Variants in PCDH11X observed in about 807,000 individuals in gnomAD.
PCDH11X encodes the protein protocadherin 11 X-linked, also known as protocadherin-11 X-linked.
In PCDH11X, 18 loss-of-function variants were observed where a neutral mutation model predicts 53.3. The ratio of observed to expected loss-of-function variants is 0.34; its 90% CI spans 0.23 to 0.50. The LOEUF (loss-of-function observed/expected upper bound fraction) is 0.50. PCDH11X is among the 20% of genes least tolerant of loss of function. PCDH11X has a pLI of 0.98. For synonymous variants in PCDH11X, 279 were observed against 393.3 expected, an observed-to-expected ratio of 0.71 and a Z score of 3.44; for missense variants, 570 against 1,032.4, an observed-to-expected ratio of 0.55 and a Z score of 6.14.
At chrX:92,287,022 G>A (rs1366039824) in intron 8 of PCDH11X, among the ~76,000 whole-genome samples, 42 of 109,735 alleles carry the variant, frequency 3.8e-4, no homozygotes, top group East Asian at 5.7e-4. Flanking sequence ...ATATATTATC[G>A]TTATTATTAA....
intron 10 of PCDH11X, among the ~76,000 whole-genome samples, chrX:92,559,240 G>T (rs2148759969): frequency 9.0e-6 from 1 of 110,499 alleles, no homozygotes; most frequent in African/African-American, 3.3e-5. Flanking sequence ...AGAATCATTT[G>T]CAGGATTAAG....
chrX:91,964,032 G>A (rs969723379), intron 6 of PCDH11X, among the ~76,000 whole-genome samples: 3 of 109,832 alleles, frequency 2.7e-5, no homozygotes, highest in Non-Finnish European at 5.7e-5. Flanking sequence ...AATTCAAGAT[G>A]AGATTTGTCT....
intron 8 of PCDH11X, among the ~76,000 whole-genome samples, chrX:92,280,860 C>T (rs1241430471): frequency 1.8e-5 from 2 of 110,610 alleles, no homozygotes; most frequent in African/African-American, 6.6e-5. Flanking sequence ...GTGGGGAAAA[C>T]TTGACATCTA....
At chrX:92,525,320 C>T (rs1476853731) in intron 10 of PCDH11X, among the ~76,000 whole-genome samples, 1 of 110,935 alleles carries the variant, frequency 9.0e-6, no homozygotes, top group Non-Finnish European at 1.9e-5. Flanking sequence ...ATGAAATTAC[C>T]AAAGTAAGAC....
At chrX:91,980,407 G>A (rs1040955984) in intron 6 of PCDH11X, among the ~76,000 whole-genome samples, 4 of 103,016 alleles carry the variant, frequency 3.9e-5, no homozygotes, top group African/African-American at 1.4e-4. Flanking sequence ...TGTATCTTTT[G>A]ATGGATATCT....
intron 7 of PCDH11X, among the ~76,000 whole-genome samples, chrX:92,250,924 C>T (rs1034164588): frequency 7.3e-5 from 8 of 109,131 alleles, no homozygotes; most frequent in Non-Finnish European, 1.5e-4. Context: ...TTGGCCATGG[C>T]GATTGTTACA....
At chrX:91,798,235 C>G (rs1173601630) in intron 1 of PCDH11X, 9 of 110,847 alleles carry the variant, frequency 8.1e-5, no homozygotes, top group African/African-American at 3.0e-4. Context: ...TCTGTCCACT[C>G]CACACATTGA....
chrX:91,848,718 T>C lies in PCDH11X; in HGVS notation c.540+12674T>C, dbSNP rs752616548. Among the ~76,000 whole-genome samples, 8 of 112,014 alleles carry C rather than the reference T, an allele frequency of 7.1e-5. No individual in the cohort carries two copies. In the East Asian group the frequency reaches 2.3e-3, roughly 32 times the overall value. ...AATTTTTCACTCAGGGTTTTGGATA[T>C]TATATATTTCATATGCAGCATGTAT... On this transcript the variant is annotated intron_variant, in intron 5 of 10. Coordinates refer to ENST00000682573, the MANE Select transcript of PCDH11X (RefSeq NM_032968.5).
intron 8 of PCDH11X, among the ~76,000 whole-genome samples, chrX:92,326,622 C>CTATATA (rs1160866218): frequency 2.2e-5 from 1 of 45,801 alleles, no homozygotes; most frequent in Admixed American, 3.3e-4. Context: ...TTTTAATAAA[C>CTATATA]TATATATATA....
intron 6 of PCDH11X, chrX:91,879,831 G>C: frequency 1.3e-6 from 1 of 748,850 alleles, no homozygotes; most frequent in Non-Finnish European, 1.6e-6. Context: ...TTATTTTGGT[G>C]CATCAAATCT....
At chrX:92,049,389 A>C (rs1046553237) in intron 6 of PCDH11X, among the ~76,000 whole-genome samples, 1 of 111,087 alleles carries the variant, frequency 9.0e-6, no homozygotes, top group Non-Finnish European at 1.9e-5. Flanking sequence ...CCCATCTGAT[A>C]AGAATTTGTG....
chrX:91,811,146 C>A (rs1936281014), intron 3 of PCDH11X, 91 bp from the exon 4 acceptor site: 3 of 899,872 alleles, frequency 3.3e-6, no homozygotes, highest in Non-Finnish European at 4.5e-6. Flanking sequence ...CTTTTCAGTG[C>A]ATCTATTTCA....
chrX:92,173,458 C>T (rs1208042538), intron 6 of PCDH11X, among the ~76,000 whole-genome samples: 3 of 110,642 alleles, frequency 2.7e-5, no homozygotes, highest in Non-Finnish European at 5.7e-5. Context: ...TAAACAATGA[C>T]ATAATCTGAC....
intron 7 of PCDH11X, among the ~76,000 whole-genome samples, chrX:92,202,913 C>T (rs745635416): frequency 1.8e-5 from 2 of 111,006 alleles, no homozygotes; most frequent in South Asian, 3.8e-4. Context: ...GTCCCAGCTA[C>T]CCAGGAGGCT....
chrX:91,963,401 C>A (rs1373920272), intron 6 of PCDH11X, among the ~76,000 whole-genome samples: 1 of 107,367 alleles, frequency 9.3e-6, no homozygotes, highest in Non-Finnish European at 1.9e-5. Context: ...AAAATGCCAC[C>A]AGTCTGTTTG....
chrX:92,351,521 T>C (rs1158086480), intron 8 of PCDH11X, among the ~76,000 whole-genome samples: 2 of 111,832 alleles, frequency 1.8e-5, no homozygotes, highest in Non-Finnish European at 3.8e-5. Flanking sequence ...CTATTTTATC[T>C]TACTGATATC....
intron 6 of PCDH11X, among the ~76,000 whole-genome samples, chrX:91,903,331 A>G (rs1199655455): frequency 9.0e-6 from 1 of 111,257 alleles, no homozygotes; most frequent in African/African-American, 3.3e-5. Context: ...AAATCTCATC[A>G]TCCCACTCCT....
intron 9 of PCDH11X, among the ~76,000 whole-genome samples, chrX:92,451,527 C>G (rs867433814): frequency 1.2e-5 from 1 of 84,660 alleles, no homozygotes; most frequent in Admixed American, 1.2e-4. Flanking sequence ...AATCATTCAC[C>G]ACTTGAGTTC....
intron 10 of PCDH11X, among the ~76,000 whole-genome samples, chrX:92,603,286 T>C (rs1012364437): frequency 3.7e-5 from 4 of 108,799 alleles, no homozygotes; most frequent in African/African-American, 1.3e-4. Flanking sequence ...TTTTTTATTC[T>C]ATCTGACAAT....
Sources: gnomAD v4.1 joint callset for allele counts (sites outside exome capture counted in the v4.1 genomes callset) on GRCh38, gnomAD v4.1.1 for gene constraint, MANE v1.5 for transcripts, NCBI Gene and HGNC (gene_info 2026-07-23, HGNC 2026-07-21) for gene names.